Variants in HPSE2 observed in about 807,000 individuals in gnomAD.
HPSE2 encodes heparanase 2 (inactive).
A neutral mutation model predicts 60.5 loss-of-function variants in HPSE2; 38 were observed. That is an observed-to-expected ratio of 0.63 (90% CI 0.48 to 0.82). HPSE2 has a LOEUF of 0.82. HPSE2 is among the 40% of genes least tolerant of loss of function. HPSE2 has a pLI of 0.00. For missense variants in HPSE2, 713 were observed against 740.4 expected (o/e 0.96, Z 0.43); for synonymous variants, 295 against 293.2 (o/e 1.01, Z -0.06).
chr10:98,973,286 T>C (rs1956004003), intron 3 of HPSE2, among the ~76,000 whole-genome samples: 1 of 152,172 alleles, frequency 6.6e-6, no homozygotes, highest in Admixed American at 6.5e-5. Context: ...TTTTCTATGT[T>C]TAAGCTATAT....
upstream of HPSE2, among the ~76,000 whole-genome samples, chr10:99,239,396 A>T (rs1246917905): frequency 7.3e-6 from 1 of 136,598 alleles, no homozygotes; most frequent in Non-Finnish European, 1.6e-5. Flanking sequence ...AATGGGGAGG[A>T]GTGGACATAA....
intron 8 of HPSE2, among the ~76,000 whole-genome samples, chr10:98,618,585 T>C (rs2133982247): frequency 6.6e-6 from 1 of 152,000 alleles, no homozygotes; most frequent in Non-Finnish European, 1.5e-5. Flanking sequence ...TGGGGTTTTA[T>C]CTGGGGGGCA....
intron 9 of HPSE2, among the ~76,000 whole-genome samples, chr10:98,529,525 G>A (rs532151435): frequency 2.3e-4 from 35 of 152,268 alleles, no homozygotes; most frequent in African/African-American, 7.9e-4. Context: ...ACTTTAACAT[G>A]ATCTCAAACC....
Position 99,235,686 on chromosome 10 carries a change from G to A in HPSE2, c.117C>T (p.Ser39=), listed in dbSNP as rs1849816581. 3 of 1,614,002 alleles carry A rather than the reference G, an allele frequency of 1.9e-6. No homozygotes were observed. The highest frequency in any genetic ancestry group is 2.5e-6 in the Non-Finnish European group (3 of 1,180,012). Residue 39 remains serine (S), a synonymous_variant, in exon 1 of 12, where the codon TCC becomes TCT. Transcript: ENST00000370552. ...GCAAGGGTCTCCTGTCTCCAGCCTG[G>A]GAGGAAAGGGAGAGATGGAGCAACA... The part of the protein sequence containing the change: ...LALLLHLSLS[S]QAGDRRPLPV...
intron 9 of HPSE2, among the ~76,000 whole-genome samples, chr10:98,529,070 G>A (rs79561497): frequency 0.033 from 5,002 of 152,304 alleles, 152 homozygotes; most frequent in African/African-American, 0.087. Context: ...ATGCGCGCAC[G>A]CGCGCACACA....
intron 3 of HPSE2, among the ~76,000 whole-genome samples, chr10:98,905,360 T>C (rs1358197612): frequency 6.9e-6 from 1 of 145,730 alleles, no homozygotes; most frequent in African/African-American, 2.5e-5. Context: ...CCTTCCTGTG[T>C]CCATGTGATC....
chr10:99,022,281 C>T (rs1325219243), intron 3 of HPSE2, among the ~76,000 whole-genome samples: 1 of 151,974 alleles, frequency 6.6e-6, no homozygotes, highest in Non-Finnish European at 1.5e-5. Flanking sequence ...TGATGCCCAC[C>T]CACGGAGGGA....
At position 99,130,017 on chromosome 10, in the gene HPSE2, T is replaced by C. The variant is rs189308110; in HGVS notation, c.610+14221A>G. Among the ~76,000 whole-genome samples, 337 of 152,112 alleles carry C rather than the reference T, an allele frequency of 2.2e-3. 3 individuals are homozygous for C. Among genetic ancestry groups the C allele is most frequent in the African/African-American group, 7.6e-3 (317 of 41,510 alleles). ...CAGGAACACCTTTACGTGCACAAAC[T>C]AGAAAATTTACAGGACATGGATAAA... On this transcript the variant is annotated intron_variant, in intron 3 of 11. Coordinates refer to ENST00000370552, the MANE Select transcript of HPSE2 (RefSeq NM_021828.5).
chr10:98,879,564 G>T (rs1252441850), intron 3 of HPSE2, among the ~76,000 whole-genome samples: 1 of 151,484 alleles, frequency 6.6e-6, no homozygotes, highest in Non-Finnish European at 1.5e-5. Context: ...GAATTTTGAA[G>T]GATTTTTTTT....
chr10:98,983,822 C>T (rs950010524), intron 3 of HPSE2, among the ~76,000 whole-genome samples: 2 of 152,194 alleles, frequency 1.3e-5, no homozygotes, highest in African/African-American at 4.8e-5. Flanking sequence ...ACAGTCTTAG[C>T]AAATGGCACA....
At chr10:98,960,269 T>C (rs955243299) in intron 3 of HPSE2, among the ~76,000 whole-genome samples, 7 of 152,152 alleles carry the variant, frequency 4.6e-5, no homozygotes, top group Admixed American at 6.6e-5. Context: ...TGTTAAGAGT[T>C]CTTGTTACAA....
At chr10:98,749,438 T>TATATATACATATATGCATGC (rs1949702765) in intron 3 of HPSE2, among the ~76,000 whole-genome samples, 1 of 151,556 alleles carries the variant, frequency 6.6e-6, no homozygotes, top group Non-Finnish European at 1.5e-5. Flanking sequence ...ATCTGTTCTG[T>TATATATACATATATGCATGC]ATATATACAT....
intron 3 of HPSE2, among the ~76,000 whole-genome samples, chr10:98,893,063 ATTTAT>A (rs929264409): frequency 6.6e-6 from 1 of 151,468 alleles, no homozygotes; most frequent in Non-Finnish European, 1.5e-5. Flanking sequence ...TTTTAATTTT[ATTTAT>A]TTATTTATTT....
intron 3 of HPSE2, among the ~76,000 whole-genome samples, chr10:99,061,212 A>T (rs1958235287): frequency 6.6e-6 from 1 of 152,044 alleles, no homozygotes; most frequent in African/African-American, 2.4e-5. Context: ...AGAAATCCAG[A>T]TGTTGAGAGG....
At chr10:99,141,055 T>A (rs1845849564) in intron 3 of HPSE2, among the ~76,000 whole-genome samples, 1 of 152,218 alleles carries the variant, frequency 6.6e-6, no homozygotes, top group African/African-American at 2.4e-5. Context: ...AGTAGTCTTC[T>A]AATGAATTCA....
chr10:98,943,190 C>T (rs1049571879), intron 3 of HPSE2, among the ~76,000 whole-genome samples: 1 of 150,816 alleles, frequency 6.6e-6, no homozygotes, highest in African/African-American at 2.4e-5. Context: ...ATGTAACTAA[C>T]GTGCACATTG....
intron 6 of HPSE2, among the ~76,000 whole-genome samples, chr10:98,664,585 G>C (rs1252933154): frequency 3.3e-5 from 5 of 152,138 alleles, no homozygotes. Context: ...TCGACAATGC[G>C]CTGAAATACA....
At chr10:99,271,079 A>T in the HPSE2 span, among the ~76,000 whole-genome samples, 6 of 152,316 alleles carry the variant, frequency 3.9e-5, no homozygotes, top group East Asian at 7.7e-4. Flanking sequence ...CTGGAACAAG[A>T]CAAGGATGCC....
At chr10:99,193,964 G>A (rs1848308444) in intron 2 of HPSE2, among the ~76,000 whole-genome samples, 1 of 151,960 alleles carries the variant, frequency 6.6e-6, no homozygotes, top group African/African-American at 2.4e-5. Flanking sequence ...TCATCCAAGA[G>A]CTGGAGAATA....
Sources: gnomAD v4.1 joint callset for allele counts (sites outside exome capture counted in the v4.1 genomes callset) on GRCh38, gnomAD v4.1.1 for gene constraint, MANE v1.5 for transcripts, NCBI Gene and HGNC (gene_info 2026-07-23, HGNC 2026-07-21) for gene names.